DGLUCY: variants seen among roughly 807,000 people sequenced by gnomAD.
DGLUCY encodes the protein D-glutamate cyclase, also known as D-glutamate cyclase, mitochondrial.
A neutral mutation model predicts 58.5 loss-of-function variants in DGLUCY; 58 were observed. That is an observed-to-expected ratio of 0.99 (90% CI 0.80 to 1.23). The LOEUF (loss-of-function observed/expected upper bound fraction) is 1.23. Ranked by LOEUF, DGLUCY falls within the 50% of genes most tolerant of loss-of-function variation. The pLI, the probability that DGLUCY is intolerant of heterozygous loss-of-function variation, is 0.00. For missense variants in DGLUCY, 779 were observed against 784.7 expected (o/e 0.99, Z 0.09); for synonymous variants, 325 against 314.1 (o/e 1.03, Z -0.37).
chr14:91,199,319 G>A (rs1448255938), intron 10 of DGLUCY, among the ~76,000 whole-genome samples: 1 of 151,818 alleles, frequency 6.6e-6, no homozygotes, highest in African/African-American at 2.4e-5. Context: ...GAGTGCAGTG[G>A]TGCGATCTCA....
At chr14:91,153,642 G>A (rs749048400) in intron 1 of DGLUCY, among the ~76,000 whole-genome samples, 2 of 152,172 alleles carry the variant, frequency 1.3e-5, no homozygotes, top group African/African-American at 2.4e-5. Flanking sequence ...TTGTTTCTGC[G>A]TCACGGGAAC....
chr14:91,145,668 T>C (rs1011485929), intron 1 of DGLUCY, among the ~76,000 whole-genome samples: 1 of 152,192 alleles, frequency 6.6e-6, no homozygotes, highest in African/African-American at 2.4e-5. Flanking sequence ...CCAGCAGTTA[T>C]TGAGCGCTTG....
At chr14:91,060,371 CT>C in exon 1 of DGLUCY, 1 of 1,506,166 alleles carries the variant, frequency 6.6e-7, no homozygotes, top group South Asian at 1.3e-5. Flanking sequence ...AGCTGCTCTC[CT>C]CCGTCGCCGC....
At position 91,205,841 on chromosome 14, in the gene DGLUCY, TC is replaced by T. The variant is rs1354551090; in HGVS notation, c.1564+1017del. 4.0e-4 allele frequency among the ~76,000 whole-genome samples: 30 copies of T among 75,934 alleles called. 1 individual carries two copies. Among genetic ancestry groups the T allele is most frequent in the Admixed American group, 5.9e-4 (3 of 5,098 alleles). 49.8% of individuals were successfully genotyped at this position (75,934 alleles called of 152,430 possible). On this transcript the variant is annotated intron_variant, in intron 12 of 13. Transcript: ENST00000256324. Reference sequence around the variant, plus strand: ...CTCCTCCTCCTCCCTTTCTTCTTCTTCTTTTTTTTTTTTTTTTTTTTTTTGA... The same window carrying T: ...CTCCTCCTCCTCCCTTTCTTCTTCTTTTTTTTTTTTTTTTTTTTTTTTTGA...
Position 91,141,320 on chromosome 14 carries a change from C to CTG in DGLUCY, c.-81-16318_-81-16317dup, listed in dbSNP as rs530391465. 4.4e-3 allele frequency among the ~76,000 whole-genome samples: 658 copies of CTG among 150,428 alleles called. 3 individuals carry two copies. Among genetic ancestry groups the CTG allele is most frequent in the Middle Eastern group, 0.037 (11 of 294 alleles). ...CCTGGGAGGCAGAGGTTGCAGTGAG[C>CTG]TGAGATTGCACCACTTCACTCCAGC... On this transcript the variant is annotated intron_variant, in intron 1 of 13. Transcript: ENST00000256324.
At chr14:91,107,782 G>A (rs140540713), upstream of DGLUCY, among the ~76,000 whole-genome samples, 2 of 152,102 alleles carry the variant, frequency 1.3e-5, no homozygotes, top group Non-Finnish European at 2.9e-5. Context: ...GATAAGTGCT[G>A]TGAAAACTAA....
intron 13 of DGLUCY, chr14:91,223,703 G>T: frequency 7.8e-7 from 1 of 1,288,468 alleles, no homozygotes; most frequent in Non-Finnish European, 1.0e-6. Context: ...AAAGCTCTAG[G>T]CTAAAGGCCA....
At chr14:91,150,583 A>T (rs2047270423) in intron 1 of DGLUCY, among the ~76,000 whole-genome samples, 1 of 152,084 alleles carries the variant, frequency 6.6e-6, no homozygotes, top group Admixed American at 6.6e-5. Context: ...CTGGGATTAC[A>T]GGTGCACGCC....
At chr14:91,060,668 G>A (rs1018075871) in exon 1 of DGLUCY, 14 of 426,966 alleles carry the variant, frequency 3.3e-5, no homozygotes, top group Non-Finnish European at 4.6e-5. Context: ...CTGCTCCACC[G>A]CCGCCTCCTC....
chr14:91,111,072 T>C (rs552042960), upstream of DGLUCY, among the ~76,000 whole-genome samples: 1 of 152,268 alleles, frequency 6.6e-6, no homozygotes, highest in African/African-American at 2.4e-5. Context: ...TAGAACAAAA[T>C]ACCATTAATA....
chr14:91,143,118 C>T (rs1221098876), intron 1 of DGLUCY, among the ~76,000 whole-genome samples: 7 of 148,812 alleles, frequency 4.7e-5, no homozygotes, highest in East Asian at 2.0e-4. Context: ...TTTTTTGAGA[C>T]GGAGTCTTGC....
Position 91,196,460 on chromosome 14 carries a change from C to T in DGLUCY, c.1281C>T (p.Asp427=), listed in dbSNP as rs1156277169. Residue 427 remains aspartate (D), a synonymous_variant, in exon 10 of 14, where the codon GAC becomes GAT. Coordinates refer to ENST00000256324, the MANE Select transcript of DGLUCY (RefSeq NM_001102368.3). ...AGGCATTCCTGTGCAAAAATGGGGA[C>T]CCGCAGACACCTAGGTACGTATGTC... ...AAQAFLCKNG[D]PQTPRFDHLV... is the part of the protein sequence containing the mutation. The T allele has an allele frequency of 1.2e-6, 2 of 1,613,760 alleles. No homozygotes were observed. The highest frequency in any genetic ancestry group is 1.1e-5 in the South Asian group (1 of 91,068).
intron 1 of DGLUCY, among the ~76,000 whole-genome samples, chr14:91,122,886 C>T (rs150160733): frequency 2.6e-5 from 4 of 152,260 alleles, no homozygotes; most frequent in African/African-American, 9.6e-5. Flanking sequence ...GGATTACAGG[C>T]GTGAGCCACG....
In DGLUCY at chr14:91,160,131, C is replaced by T. The variant is rs1212928939; in HGVS notation, c.-29-135C>T. The T allele has an allele frequency of 9.7e-5, 64 of 658,472 alleles. No homozygotes were observed. In the Admixed American group the frequency reaches 1.8e-3, roughly 19 times the overall value. The allele number at this position is 658,472 out of a possible 1,614,324, so 40.8% of individuals were successfully genotyped here. ...GGGAGAATGGATTCCAAACAATGCCCACCACAAGGCAGGCCCAGGAACAGG... is the reference window on the plus strand; with the variant it reads ...GGGAGAATGGATTCCAAACAATGCCTACCACAAGGCAGGCCCAGGAACAGG... On this transcript the variant is annotated intron_variant, in intron 2 of 13. Coordinates refer to ENST00000256324, the MANE Select transcript of DGLUCY (RefSeq NM_001102368.3).
intron 5 of DGLUCY, among the ~76,000 whole-genome samples, chr14:91,171,760 C>T (rs998668953): frequency 7.2e-5 from 11 of 152,152 alleles, no homozygotes; most frequent in Non-Finnish European, 1.3e-4. Flanking sequence ...GGTGGGGGAG[C>T]GAAACACCAA....
chr14:91,168,281 A>T (rs956513596), intron 4 of DGLUCY, among the ~76,000 whole-genome samples: 8 of 151,382 alleles, frequency 5.3e-5, no homozygotes, highest in South Asian at 2.1e-4. Context: ...TATATATATA[A>T]AATAAAATAA....
chr14:91,143,590 G>A (rs1369605264), intron 1 of DGLUCY, among the ~76,000 whole-genome samples: 9 of 152,204 alleles, frequency 5.9e-5, no homozygotes, highest in Admixed American at 2.0e-4. Context: ...CAAGGAATGG[G>A]ATGGAGACTT....
chr14:91,098,673 C>T (rs1235443855), intron 1 of DGLUCY, among the ~76,000 whole-genome samples: 3 of 152,134 alleles, frequency 2.0e-5, no homozygotes, highest in African/African-American at 7.2e-5. Context: ...TCATCCTGAC[C>T]ACTGCTGCAG....
At chr14:91,177,958 C>T (rs2048954098) in intron 7 of DGLUCY, among the ~76,000 whole-genome samples, 1 of 151,940 alleles carries the variant, frequency 6.6e-6, no homozygotes, top group Non-Finnish European at 1.5e-5. Flanking sequence ...GTAGACACAC[C>T]CACCCACGTG....
Sources: allele counts gnomAD v4.1 joint callset (sites outside exome capture counted in the v4.1 genomes callset), GRCh38; gene constraint gnomAD v4.1.1; transcripts MANE v1.5; gene names NCBI Gene and HGNC (gene_info 2026-07-23, HGNC 2026-07-21).